The following ERBIN variants were observed in gnomAD, a reference collection of about 807,000 sequenced individuals.
ERBIN encodes erbb2 interacting protein.
ERBIN carries 60 observed loss-of-function variants against 158.4 expected under a neutral mutation model. That is an observed-to-expected ratio of 0.38 (90% CI 0.31 to 0.47). ERBIN has a LOEUF of 0.47. ERBIN is among the 20% of genes least tolerant of loss of function. ERBIN has a pLI of 0.99. For synonymous variants in ERBIN, 594 were observed against 557.2 expected, an observed-to-expected ratio of 1.07 and a Z score of -0.93; for missense variants, 1,610 against 1,648.0, an observed-to-expected ratio of 0.98 and a Z score of 0.40.
At chr5:66,061,905 A>G (rs1282655851) in intron 21 of ERBIN, among the ~76,000 whole-genome samples, 1 of 152,244 alleles carries the variant, frequency 6.6e-6, no homozygotes, top group African/African-American at 2.4e-5. Flanking sequence ...GTTTCTGCCA[A>G]GAGATCAGCT....
At chr5:65,964,332 A>ACAGAAG (rs1748285450) in intron 1 of ERBIN, among the ~76,000 whole-genome samples, 1 of 152,194 alleles carries the variant, frequency 6.6e-6, no homozygotes, top group South Asian at 2.1e-4. Context: ...AGAGGAGGAT[A>ACAGAAG]CAGAAGAGGA....
rs777028314 is a variant in ERBIN, at chr5:66,023,326, T to C, written c.634T>C (p.Phe212Leu). Residue 212 changes from phenylalanine to leucine, a missense_variant, in exon 9 of 26, where the codon TTT (phenylalanine) becomes CTT (leucine). Physicochemically the swap from Phe to Leu is conservative, Grantham distance 22 (BLOSUM62 0). Coordinates refer to ENST00000284037, the MANE Select transcript of ERBIN (RefSeq NM_001253697.2). ...VLEQLSGLKE[F>L]WMDANRLTFI... ...TGAGCAACTAAGTGGATTGAAAGAG[T>C]TTTGGATGGATGCTAATAGACTGAC... 6.2e-7 allele frequency: 1 copy of C among 1,612,842 alleles called. No homozygotes were observed. The highest frequency in any genetic ancestry group is 2.2e-5 in the East Asian group (1 of 44,768).
intron 14 of ERBIN, among the ~76,000 whole-genome samples, chr5:66,029,224 T>G (rs1317195375): frequency 6.6e-6 from 1 of 152,210 alleles, no homozygotes; most frequent in Non-Finnish European, 1.5e-5. Context: ...TTGAGGAACC[T>G]CCATAATATA....
At chr5:66,025,819 T>G (rs1211544909) in intron 11 of ERBIN, 29 bp from the exon 12 acceptor site, 5 of 1,315,108 alleles carry the variant, frequency 3.8e-6, no homozygotes, top group Non-Finnish European at 5.1e-6. Context: ...CTTTAACAAA[T>G]AATATATATT....
At chr5:65,989,137 C>T (rs1409254637) in intron 2 of ERBIN, among the ~76,000 whole-genome samples, 2 of 152,060 alleles carry the variant, frequency 1.3e-5, no homozygotes, top group Non-Finnish European at 2.9e-5. Flanking sequence ...TTCTAATGAG[C>T]AGTTCCCATG....
At chr5:65,979,152 C>T (rs540256255) in intron 1 of ERBIN, among the ~76,000 whole-genome samples, 2 of 152,018 alleles carry the variant, frequency 1.3e-5, no homozygotes, top group Admixed American at 6.6e-5. Context: ...TATAGTGGGG[C>T]GTGGTGGCTT....
intron 17 of ERBIN, among the ~76,000 whole-genome samples, chr5:66,045,426 A>AGTATATGTATAT (rs746732423): frequency 6.8e-6 from 1 of 146,454 alleles, no homozygotes; most frequent in Non-Finnish European, 1.5e-5. Context: ...TATGTAATAT[A>AGTATATGTATAT]GTATATGTAT....
chr5:65,942,160 C>T (rs1228109852), intron 1 of ERBIN, among the ~76,000 whole-genome samples: 1 of 152,184 alleles, frequency 6.6e-6, no homozygotes, highest in Non-Finnish European at 1.5e-5. Context: ...TGGAGTACCA[C>T]CTCTTTTTTC....
intron 14 of ERBIN, among the ~76,000 whole-genome samples, chr5:66,033,778 T>C (rs1046015059): frequency 1.3e-5 from 2 of 152,048 alleles, no homozygotes; most frequent in Non-Finnish European, 2.9e-5. Flanking sequence ...GCAGAGCATG[T>C]TTACAGGTTG....
At chr5:66,005,835 C>A (rs188118334) in intron 4 of ERBIN, among the ~76,000 whole-genome samples, 1,685 of 152,286 alleles carry the variant, frequency 0.011, 35 homozygotes, top group African/African-American at 0.037. Flanking sequence ...ATCCAACTTA[C>A]AAGGGACGTG....
chr5:66,021,727 C>G (rs950433996), intron 8 of ERBIN, among the ~76,000 whole-genome samples: 1 of 152,066 alleles, frequency 6.6e-6, no homozygotes, highest in Non-Finnish European at 1.5e-5. Flanking sequence ...TCAGAGAGAG[C>G]TCCATGGGGT....
At chr5:65,965,379 GTTGTTTTTT>G (rs1748458003) in intron 1 of ERBIN, among the ~76,000 whole-genome samples, 1 of 103,652 alleles carries the variant, frequency 9.6e-6, no homozygotes, top group Non-Finnish European at 1.9e-5. Context: ...TTTGTTTTTT[GTTGTTTTTT>G]TTTTTTTTTT....
intron 24 of ERBIN, 46 bp from the exon 25 acceptor site, chr5:66,076,829 T>C: frequency 7.1e-7 from 1 of 1,409,996 alleles, no homozygotes; most frequent in Non-Finnish European, 9.9e-7. Flanking sequence ...TACTCTGTTA[T>C]TTATACATAC....
At chr5:65,975,371 T>A (rs1282748785) in intron 1 of ERBIN, among the ~76,000 whole-genome samples, 6 of 152,180 alleles carry the variant, frequency 3.9e-5, no homozygotes, top group African/African-American at 1.4e-4. Flanking sequence ...AGTGGCGCAA[T>A]CTCGGCTCAC....
chr5:66,077,767 C>CACACACACACACACACACACACACACAT (rs1762122612), intron 25 of ERBIN, among the ~76,000 whole-genome samples: 2 of 137,646 alleles, frequency 1.5e-5, no homozygotes, highest in Non-Finnish European at 3.1e-5. Flanking sequence ...TCTACACACA[C>CACACACACACACACACACACACACACAT]ACACACACAC....
At chr5:66,004,380 G>A (rs187240609) in intron 4 of ERBIN, among the ~76,000 whole-genome samples, 13 of 140,602 alleles carry the variant, frequency 9.2e-5, no homozygotes, top group Admixed American at 5.4e-4. Context: ...CTGTGTGTGC[G>A]TGTGTGTGTG....
At chr5:66,077,661 C>T (rs986306372) in intron 25 of ERBIN, among the ~76,000 whole-genome samples, 1 of 151,870 alleles carries the variant, frequency 6.6e-6, no homozygotes, top group African/African-American at 2.4e-5. Flanking sequence ...ACAACAAACA[C>T]CAGTATTACA....
At chr5:65,972,563 G>C (rs1216438797) in intron 1 of ERBIN, among the ~76,000 whole-genome samples, 1 of 151,330 alleles carries the variant, frequency 6.6e-6, no homozygotes, top group East Asian at 1.9e-4. Flanking sequence ...ATAATGTTTG[G>C]TTAAGTAGAA....
rs185353145 is a variant in ERBIN, at chr5:66,060,037, A to T, written c.3633+5086A>T. Among the ~76,000 whole-genome samples, 5 of 152,312 alleles carry T rather than the reference A, an allele frequency of 3.3e-5. No individual in the cohort carries two copies. In the East Asian group the frequency reaches 9.6e-4, roughly 29 times the overall value. ...GTCTCTGCCTGGCTTTCGTATCAGGATGATGCTGGCCTCATAAAATGAGTT... is the reference window on the plus strand; with the variant it reads ...GTCTCTGCCTGGCTTTCGTATCAGGTTGATGCTGGCCTCATAAAATGAGTT... On this transcript the variant is annotated intron_variant, in intron 21 of 25. Transcript: ENST00000284037.
Sources: allele counts gnomAD v4.1 joint callset (sites outside exome capture counted in the v4.1 genomes callset), GRCh38; gene constraint gnomAD v4.1.1; transcripts MANE v1.5; gene names NCBI Gene and HGNC (gene_info 2026-07-23, HGNC 2026-07-21).